The following DSE variants were observed in gnomAD, a reference collection of about 807,000 sequenced individuals.
DSE encodes dermatan sulfate epimerase.
DSE carries 36 observed loss-of-function variants against 84.4 expected under a neutral mutation model. The ratio of observed to expected loss-of-function variants is 0.43; its 90% CI spans 0.33 to 0.56. DSE has a LOEUF of 0.56. DSE is among the 20% of genes least tolerant of loss of function. DSE has a pLI of 0.06. For missense variants in DSE, 862 were observed against 1,169.6 expected (o/e 0.74, Z 3.84); for synonymous variants, 410 against 430.1 (o/e 0.95, Z 0.58).
chr6:116,293,283 T>A lies in DSE; in HGVS notation c.-54+34316T>A, dbSNP rs1416060574. 4.0e-5 allele frequency among the ~76,000 whole-genome samples: 6 copies of A among 151,640 alleles called. 1 individual carries two copies. The Middle Eastern group carries it at 9.5e-3, about 240-fold the overall frequency. On this transcript the variant is annotated intron_variant, in intron 2 of 3. Coordinates refer to the DSE transcript ENST00000430252. The stretch of plus-strand genomic sequence containing the variant: ...GTTTTTCCTTTTCTTTTTTTCTTTT[T>A]TTTTTTTGACACGGAGTCTTGCTCT...
Position 116,395,514 on chromosome 6 carries a change from A to G in DSE, c.-53-3684A>G, listed in dbSNP as rs1781196191. On this transcript the variant is annotated intron_variant, in intron 1 of 5. Transcript: ENST00000644252. ...CTTTGTTTCGGTAAGCATTTTTGGCATCTCTCAAACTATAGTTATTCAGGT... is the reference window on the plus strand; with the variant it reads ...CTTTGTTTCGGTAAGCATTTTTGGCGTCTCTCAAACTATAGTTATTCAGGT... 2.0e-5 allele frequency among the ~76,000 whole-genome samples: 3 copies of G among 152,160 alleles called. No homozygotes were observed. The South Asian group carries it at 6.2e-4, about 32-fold the overall frequency.
chr6:116,260,707 C>G (rs1393628306), intron 2 of DSE, among the ~76,000 whole-genome samples: 1 of 152,138 alleles, frequency 6.6e-6, no homozygotes, highest in Non-Finnish European at 1.5e-5. Flanking sequence ...ATATGATTAG[C>G]CAATTATCCC....
At chr6:116,273,311 A>G (rs1252246397) in intron 2 of DSE, among the ~76,000 whole-genome samples, 1 of 152,214 alleles carries the variant, frequency 6.6e-6, no homozygotes, top group East Asian at 1.9e-4. Flanking sequence ...AATCCTAAAA[A>G]AAGTGAAGCC....
intron 2 of DSE, among the ~76,000 whole-genome samples, chr6:116,340,825 T>C (rs1170601058): frequency 6.6e-6 from 1 of 152,200 alleles, no homozygotes; most frequent in African/African-American, 2.4e-5. Flanking sequence ...AACTCATCCT[T>C]TTTTATGGCT....
At position 116,436,961 on chromosome 6, in the gene DSE, C is replaced by A. The variant is rs771593432; in HGVS notation, c.2493C>A (p.Val831=). 1.2e-6 allele frequency: 2 copies of A among 1,613,634 alleles called. No individual in the cohort carries two copies. The highest frequency in any genetic ancestry group is 1.7e-6 in the Non-Finnish European group (2 of 1,179,954). ...CTGATATTTTTGCACAGATTGAAGT[C>A]AATGAGAAAAAGATTAGACAGAAAG... ...AVPDIFAQIE[V]NEKKIRQKAQ... is the part of the protein sequence containing the mutation. The change falls in exon 6 of 6, where the codon GTC becomes GTA. Residue 831 remains valine (V), a synonymous_variant. Coordinates refer to ENST00000644252, the MANE Select transcript of DSE (RefSeq NM_013352.4).
intron 2 of DSE, among the ~76,000 whole-genome samples, chr6:116,360,701 A>G (rs1778838918): frequency 6.6e-6 from 1 of 152,240 alleles, no homozygotes; most frequent in Non-Finnish European, 1.5e-5. Context: ...ACCACTTTTA[A>G]TAACTTTCCT....
chr6:116,315,615 G>A (rs931536966), intron 2 of DSE, among the ~76,000 whole-genome samples: 2 of 152,146 alleles, frequency 1.3e-5, no homozygotes, highest in Admixed American at 6.5e-5. Flanking sequence ...CTAAAGCACC[G>A]TGTTATACTG....
intron 1 of DSE, among the ~76,000 whole-genome samples, chr6:116,375,779 C>G (rs1324015508): frequency 6.6e-6 from 1 of 152,122 alleles, no homozygotes; most frequent in Non-Finnish European, 1.5e-5. Context: ...TAAATACTTG[C>G]ATTTTGAAAT....
chr6:116,404,981 AT>A (rs1785283338), intron 2 of DSE, among the ~76,000 whole-genome samples: 4 of 145,230 alleles, frequency 2.8e-5, no homozygotes, highest in African/African-American at 5.4e-5. Context: ...CAGAGAAGTA[AT>A]TGTGTTTTTT....
At chr6:116,402,272 A>G (rs1194513281) in intron 2 of DSE, among the ~76,000 whole-genome samples, 1 of 152,172 alleles carries the variant, frequency 6.6e-6, no homozygotes, top group Non-Finnish European at 1.5e-5. Flanking sequence ...TGACTTAAAC[A>G]TTTGTATCAT....
intron 2 of DSE, among the ~76,000 whole-genome samples, chr6:116,309,143 A>G (rs1269659671): frequency 6.6e-6 from 1 of 152,196 alleles, no homozygotes; most frequent in Non-Finnish European, 1.5e-5. Flanking sequence ...TGAGGAGCAA[A>G]TTAAAGAAAA....
At chr6:116,261,733 G>T (rs1019746441) in intron 2 of DSE, among the ~76,000 whole-genome samples, 5 of 152,154 alleles carry the variant, frequency 3.3e-5, no homozygotes, top group Non-Finnish European at 7.3e-5. Context: ...TTGGCTGTGG[G>T]TTTGTCATAG....
At chr6:116,375,598 G>GGCTT in intron 1 of DSE, 2 of 971,352 alleles carry the variant, frequency 2.1e-6, no homozygotes, top group Non-Finnish European at 2.4e-6. Flanking sequence ...ATAGAAGAGT[G>GGCTT]GCTTGATTAG....
chr6:116,431,420 G>C (rs1204922002), intron 4 of DSE, among the ~76,000 whole-genome samples: 2 of 151,982 alleles, frequency 1.3e-5, no homozygotes, highest in African/African-American at 4.8e-5. Context: ...AGTTTGGAGG[G>C]TTATGGATTA....
chr6:116,397,186 G>A (rs1027920808), intron 1 of DSE, among the ~76,000 whole-genome samples: 14 of 150,356 alleles, frequency 9.3e-5, no homozygotes, highest in African/African-American at 2.7e-4. Context: ...AATCGTTAGC[G>A]GTATATTATT....
rs1260532703 is a variant in DSE, at chr6:116,436,027, G to C, written c.1559G>C (p.Ser520Thr). Residue 520 changes from serine (S) to threonine (T), a missense_variant, in exon 6 of 6, where the codon AGT becomes ACT. Transcript: ENST00000644252. ...AAATACAAGCATGACCTGGCAGCTA[G>C]TTGTCAGGGGAGGGTGGTTGCAGCA... is the stretch of plus-strand genomic sequence containing the variant. ...WSKYKHDLAASCQGRVVAAEE... is the reference protein window; with the variant it reads ...WSKYKHDLAATCQGRVVAAEE... 27 of 1,614,060 alleles carry C rather than the reference G, an allele frequency of 1.7e-5. No individual in the cohort carries two copies. The highest frequency in any genetic ancestry group is 2.3e-5 in the Non-Finnish European group (27 of 1,180,034).
At chr6:116,425,501 T>C (rs908997081) in intron 2 of DSE, among the ~76,000 whole-genome samples, 1 of 152,222 alleles carries the variant, frequency 6.6e-6, no homozygotes, top group Non-Finnish European at 1.5e-5. Flanking sequence ...TTTGTTTGCT[T>C]CCTGCTTAAT....
At chr6:116,254,648 T>C (rs1354852796) in intron 1 of DSE, among the ~76,000 whole-genome samples, 1 of 152,238 alleles carries the variant, frequency 6.6e-6, no homozygotes, top group Non-Finnish European at 1.5e-5. Context: ...TTAAAGTTTA[T>C]ATAATTTGGC....
At chr6:116,306,556 G>T (rs1775359540) in intron 2 of DSE, among the ~76,000 whole-genome samples, 1 of 152,118 alleles carries the variant, frequency 6.6e-6, no homozygotes, top group African/African-American at 2.4e-5. Flanking sequence ...TATAAGGTAA[G>T]CCCTCCCAGC....
Sources: gnomAD v4.1 joint callset for allele counts (sites outside exome capture counted in the v4.1 genomes callset) on GRCh38, gnomAD v4.1.1 for gene constraint, MANE v1.5 for transcripts, NCBI Gene and HGNC (gene_info 2026-07-23, HGNC 2026-07-21) for gene names.